Variants in TAFA1 observed in about 807,000 individuals in gnomAD.
TAFA1 encodes TAFA chemokine like family member 1.
A neutral mutation model predicts 18.5 loss-of-function variants in TAFA1; 4 were observed. That is an observed-to-expected ratio of 0.22 (90% CI 0.11 to 0.49). The LOEUF (loss-of-function observed/expected upper bound fraction) is 0.49. TAFA1 is among the 20% of genes least tolerant of loss of function. The pLI, the probability that TAFA1 is intolerant of heterozygous loss-of-function variation, is 0.98. For synonymous variants in TAFA1, 56 were observed against 55.2 expected (o/e 1.01, Z -0.06); for missense variants, 147 against 169.0 (o/e 0.87, Z 0.72).
rs2069228971 is a variant in TAFA1 at position 68,349,632 on chromosome 3, T to C, written c.119-67648T>C. On this transcript the variant is annotated intron_variant, in intron 2 of 4. Transcript: ENST00000478136. ...GAGCCAGATAGTAACTATTTTAGGC[T>C]TTGAGGCTTACAGGTTTCTATCACA... is the stretch of plus-strand genomic sequence containing the variant. Among the ~76,000 whole-genome samples the C allele has an allele frequency of 2.6e-5, 4 of 152,228 alleles. No homozygotes were observed. The South Asian group carries it at 8.3e-4, about 32-fold the overall frequency.
At chr3:68,212,412 C>G (rs944496964) in intron 2 of TAFA1, among the ~76,000 whole-genome samples, 1 of 151,908 alleles carries the variant, frequency 6.6e-6, no homozygotes, top group African/African-American at 2.4e-5. Context: ...TTTTGGGATG[C>G]TCAGTCTTGC....
At position 68,287,329 on chromosome 3, in the gene TAFA1, T is replaced by C. The variant is rs1262677598; in HGVS notation, c.119-129951T>C. Among the ~76,000 whole-genome samples, 5 of 152,198 alleles carry C rather than the reference T, an allele frequency of 3.3e-5. No individual in the cohort carries two copies. The East Asian group carries it at 9.6e-4, about 29-fold the overall frequency. ...TGCCCTTCGTTCATCTCCTGCTGACTATGAAAACCTAGTCCAGCCGCTTTG... is the reference window on the plus strand; with the variant it reads ...TGCCCTTCGTTCATCTCCTGCTGACCATGAAAACCTAGTCCAGCCGCTTTG... On this transcript the variant is annotated intron_variant, in intron 2 of 4. Coordinates refer to ENST00000478136, the MANE Select transcript of TAFA1 (RefSeq NM_213609.4).
intron 2 of TAFA1, among the ~76,000 whole-genome samples, chr3:68,231,334 AATCTATTT>A (rs1386469935): frequency 2.7e-5 from 4 of 148,362 alleles, no homozygotes; most frequent in Non-Finnish European, 6.0e-5. Context: ...CCCATGCTTT[AATCTATTT>A]GATTTTTTTT....
At position 68,257,773 on chromosome 3, in the gene TAFA1, G is replaced by C. The variant is rs141724539; in HGVS notation, c.119-159507G>C. Among the ~76,000 whole-genome samples the C allele has an allele frequency of 1.8e-4, 28 of 152,214 alleles. No individual in the cohort carries two copies. The East Asian group carries it at 5.0e-3, about 27-fold the overall frequency. ...AGGAATAGAGTATGGAAACTGAAATGATGGTAAAAATAGTAACCTCACAGT... is the reference window on the plus strand; with the variant it reads ...AGGAATAGAGTATGGAAACTGAAATCATGGTAAAAATAGTAACCTCACAGT... On this transcript the variant is annotated intron_variant, in intron 2 of 4. Transcript: ENST00000478136.
chr3:68,096,250 T>G (rs2065085479), intron 2 of TAFA1, among the ~76,000 whole-genome samples: 1 of 152,144 alleles, frequency 6.6e-6, no homozygotes, highest in South Asian at 2.1e-4. Context: ...TTGCTTCACA[T>G]GACAAGATTT....
At chr3:68,231,625 G>T (rs375011576) in intron 2 of TAFA1, among the ~76,000 whole-genome samples, 15 of 151,940 alleles carry the variant, frequency 9.9e-5, no homozygotes, top group Non-Finnish European at 1.8e-4. Context: ...CTCCCAAAGC[G>T]CTGGGATTAC....
At chr3:68,066,618 A>G (rs1192767666) in intron 2 of TAFA1, among the ~76,000 whole-genome samples, 1 of 152,234 alleles carries the variant, frequency 6.6e-6, no homozygotes, top group Non-Finnish European at 1.5e-5. Flanking sequence ...TAGAAGGAGA[A>G]TTCAACTGTA....
intron 2 of TAFA1, among the ~76,000 whole-genome samples, chr3:68,113,902 T>G (rs1301029375): frequency 4.2e-5 from 6 of 142,580 alleles, no homozygotes; most frequent in Admixed American, 1.4e-4. Context: ...TTTTTGTTTT[T>G]TTTTTTTTTT....
At position 68,510,421 on chromosome 3, in the gene TAFA1, G is replaced by C. The variant is rs1263903339; in HGVS notation, c.260-28335G>C. On this transcript the variant is annotated intron_variant, in intron 3 of 4. Transcript: ENST00000478136. ...GATTCAGGCCCAATCATACCATCTT[G>C]AACTACAGGAAGCACAATGTTAACT... is the stretch of plus-strand genomic sequence containing the variant. 2.0e-5 allele frequency among the ~76,000 whole-genome samples: 3 copies of C among 152,128 alleles called. No homozygotes were observed. The East Asian group carries it at 5.8e-4, about 29-fold the overall frequency.
rs537412967 is a variant in TAFA1, at chr3:68,265,392, T to C, written c.119-151888T>C. Among the ~76,000 whole-genome samples the C allele has an allele frequency of 1.8e-4, 28 of 152,338 alleles. No individual in the cohort carries two copies. The South Asian group carries it at 5.6e-3, about 30-fold the overall frequency. On this transcript the variant is annotated intron_variant, in intron 2 of 4. Coordinates refer to ENST00000478136, the MANE Select transcript of TAFA1 (RefSeq NM_213609.4). ...TTCATGTGAAAATGACTCTCCATCA[T>C]CAGGGTCACCTCATTCATTCATTAA... is the stretch of plus-strand genomic sequence containing the variant.
In TAFA1 at chr3:68,544,638, C is replaced by T. The variant is rs575241898; in HGVS notation, c.*135C>T. On this transcript the variant is annotated 3_prime_UTR_variant, in exon 5 of 5. Transcript: ENST00000478136. ...GACTGGCTACCAGATAATCACAGTGCGTTTACTGTGTGTAACGAAATATCC... is the reference window on the plus strand; with the variant it reads ...GACTGGCTACCAGATAATCACAGTGTGTTTACTGTGTGTAACGAAATATCC... The T allele has an allele frequency of 3.2e-5, 27 of 854,990 alleles. 1 individual carries two copies. Among genetic ancestry groups the T allele is most frequent in the Middle Eastern group, 2.2e-4 (1 of 4,494 alleles). 53.0% of individuals were successfully genotyped at this position (854,990 alleles called of 1,614,324 possible).
intron 2 of TAFA1, among the ~76,000 whole-genome samples, chr3:68,287,907 T>TC (rs2068040290): frequency 1.9e-5 from 1 of 51,996 alleles, no homozygotes; most frequent in Non-Finnish European, 4.5e-5. Context: ...TTGTTTTTGT[T>TC]GGGGGGTGGG....
upstream of TAFA1, among the ~76,000 whole-genome samples, chr3:68,002,649 A>G (rs1302368202): frequency 6.6e-6 from 1 of 152,238 alleles, no homozygotes; most frequent in Admixed American, 6.5e-5. Flanking sequence ...TGTTAAAGAA[A>G]TAAGAAAATA....
At chr3:68,543,305 G>A (rs149409407) in intron 4 of TAFA1, among the ~76,000 whole-genome samples, 7 of 152,196 alleles carry the variant, frequency 4.6e-5, no homozygotes, top group Non-Finnish European at 1.0e-4. Flanking sequence ...GAGGAAATGA[G>A]GAGAAAATCA....
intron 2 of TAFA1, among the ~76,000 whole-genome samples, chr3:68,366,998 A>C (rs1430478167): frequency 2.0e-5 from 3 of 152,162 alleles, no homozygotes; most frequent in African/African-American, 7.2e-5. Flanking sequence ...CTTACCCCCC[A>C]GTTCTAAGTT....
chr3:68,361,952 C>T (rs1382532407), intron 2 of TAFA1, among the ~76,000 whole-genome samples: 1 of 152,062 alleles, frequency 6.6e-6, no homozygotes, highest in Non-Finnish European at 1.5e-5. Context: ...AACATGGTGT[C>T]ACTCATCTAT....
intron 2 of TAFA1, among the ~76,000 whole-genome samples, chr3:68,198,594 T>C (rs1339987986): frequency 9.1e-6 from 1 of 109,754 alleles, no homozygotes; most frequent in Non-Finnish European, 2.3e-5. Context: ...AATATCTAAT[T>C]TTTTTTTAAT....
intron 3 of TAFA1, among the ~76,000 whole-genome samples, chr3:68,455,489 G>A (rs1290215668): frequency 1.3e-5 from 2 of 152,162 alleles, no homozygotes; most frequent in African/African-American, 2.4e-5. Flanking sequence ...CTGCCAGACT[G>A]TCCAAGGTCA....
chr3:68,216,121 G>A (rs1026851351), intron 2 of TAFA1, among the ~76,000 whole-genome samples: 2 of 152,012 alleles, frequency 1.3e-5, no homozygotes, highest in African/African-American at 4.8e-5. Flanking sequence ...AAACTTCAGA[G>A]AAAGTAAAAA....
Sources: gnomAD v4.1 joint callset for allele counts (sites outside exome capture counted in the v4.1 genomes callset) on GRCh38, gnomAD v4.1.1 for gene constraint, MANE v1.5 for transcripts, NCBI Gene and HGNC (gene_info 2026-07-23, HGNC 2026-07-21) for gene names.